The following DSCAML1 variants were observed in gnomAD, a reference collection of about 807,000 sequenced individuals.
The protein encoded by DSCAML1 is DS cell adhesion molecule like 1.
DSCAML1 carries 38 observed loss-of-function variants against 200.5 expected under a neutral mutation model. The observed-to-expected ratio is 0.19, with a 90% confidence interval of 0.15 to 0.25. The LOEUF is 0.25. Among genes scored for constraint, DSCAML1 ranks in the 10% least tolerant of loss-of-function variants. The probability of loss-of-function intolerance (pLI) is 1.00; values close to 1 mark genes in which losing one functional copy is unlikely to be tolerated. For missense variants in DSCAML1, 2,223 were observed against 2,858.8 expected, an observed-to-expected ratio of 0.78 and a Z score of 5.07; for synonymous variants, 1,215 against 1,165.0, an observed-to-expected ratio of 1.04 and a Z score of -0.87.
At chr11:117,805,684 C>A (rs899160940) in intron 1 of DSCAML1, among the ~76,000 whole-genome samples, 16 of 152,172 alleles carry the variant, frequency 1.1e-4, no homozygotes, top group African/African-American at 3.1e-4. Flanking sequence ...CTGGTCCACA[C>A]CTGGCCTAAA....
intron 3 of DSCAML1, among the ~76,000 whole-genome samples, chr11:117,760,567 G>T (rs2054780665): frequency 6.6e-6 from 1 of 152,170 alleles, no homozygotes; most frequent in African/African-American, 2.4e-5. Context: ...CATTTCCCCT[G>T]CAGCATAGTA....
intron 3 of DSCAML1, among the ~76,000 whole-genome samples, chr11:117,750,055 G>A (rs753619559): frequency 2.0e-5 from 3 of 152,216 alleles, no homozygotes; most frequent in East Asian, 1.9e-4. Flanking sequence ...GATGATCCAC[G>A]TTCTTGTTCT....
At chr11:117,576,746 T>C (rs1046070996) in intron 3 of DSCAML1, among the ~76,000 whole-genome samples, 3 of 152,202 alleles carry the variant, frequency 2.0e-5, no homozygotes, top group African/African-American at 7.2e-5. Flanking sequence ...CCTGAGCATG[T>C]GTTGCTGCCG....
At chr11:117,745,944 G>A (rs2054510334) in intron 3 of DSCAML1, among the ~76,000 whole-genome samples, 1 of 152,128 alleles carries the variant, frequency 6.6e-6, no homozygotes, top group Non-Finnish European at 1.5e-5. Flanking sequence ...GCCAGGCGCG[G>A]TGGCTCACGC....
At chr11:117,439,474 C>G (rs2047997985) in intron 22 of DSCAML1, 45 bp from the exon 23 acceptor site, 1 of 1,588,726 alleles carries the variant, frequency 6.3e-7, no homozygotes, top group Non-Finnish European at 8.6e-7. Context: ...TCAAGCACCC[C>G]TTCCTCCTGA....
chr11:117,512,984 C>G (rs781286551), intron 8 of DSCAML1, among the ~76,000 whole-genome samples: 44 of 152,146 alleles, frequency 2.9e-4, no homozygotes, highest in Non-Finnish European at 5.4e-4. Flanking sequence ...CAGGACGTTC[C>G]GAGTCCTCTG....
chr11:117,736,734 A>G (rs1026081490), intron 3 of DSCAML1, among the ~76,000 whole-genome samples: 1 of 152,226 alleles, frequency 6.6e-6, no homozygotes, highest in Non-Finnish European at 1.5e-5. Flanking sequence ...GTTGCTTCTT[A>G]TCACAGAACC....
At chr11:117,805,122 G>A (rs2055698825) in intron 1 of DSCAML1, among the ~76,000 whole-genome samples, 1 of 152,164 alleles carries the variant, frequency 6.6e-6, no homozygotes, top group South Asian at 2.1e-4. Context: ...CTACTGAACT[G>A]GCCTCCTTGG....
chr11:117,538,001 T>A (rs1052561045), intron 3 of DSCAML1, among the ~76,000 whole-genome samples: 1 of 152,206 alleles, frequency 6.6e-6, no homozygotes, highest in East Asian at 1.9e-4. Flanking sequence ...CAGTCTTCTC[T>A]CAGACCCTCA....
intron 3 of DSCAML1, among the ~76,000 whole-genome samples, chr11:117,583,547 CTT>C (rs1266240881): frequency 6.6e-6 from 1 of 152,194 alleles, no homozygotes; most frequent in Non-Finnish European, 1.5e-5. Flanking sequence ...GCGGCTCTCT[CTT>C]CTCCAGTCCC....
At chr11:117,639,550 T>A (rs1490578971) in intron 3 of DSCAML1, among the ~76,000 whole-genome samples, 2 of 151,722 alleles carry the variant, frequency 1.3e-5, no homozygotes, top group African/African-American at 4.8e-5. Flanking sequence ...GGCTCTGCCT[T>A]CCTAATCTTG....
chr11:117,522,849 G>C (rs923228362), intron 5 of DSCAML1, among the ~76,000 whole-genome samples: 1 of 152,178 alleles, frequency 6.6e-6, no homozygotes, highest in African/African-American at 2.4e-5. Flanking sequence ...CTGGCAGGGA[G>C]AGGCTGTAGA....
chr11:117,550,358 G>A (rs1438377874), intron 3 of DSCAML1, among the ~76,000 whole-genome samples: 2 of 152,094 alleles, frequency 1.3e-5, no homozygotes, highest in Admixed American at 6.5e-5. Context: ...TTTGGGATTC[G>A]AACCTAGATT....
chr11:117,439,905 G>A lies in DSCAML1; in HGVS notation c.3894C>T (p.Thr1298=), dbSNP rs761952815. ...CATCTTTCATCCAAGGTGTTGTCAC[G>A]GTGCCCCCAAAGGAGATGATCTTTG... ...APAKIISFGG[T]VTTPWMKDVR... is the part of the protein sequence containing the mutation. Residue 1298 remains threonine, a synonymous_variant, in exon 22 of 33, where the codon ACC becomes ACT. Coordinates refer to ENST00000651296, the MANE Select transcript of DSCAML1 (RefSeq NM_020693.4). 1.1e-5 allele frequency: 18 copies of A among 1,614,004 alleles called. No homozygotes were observed. The highest frequency in any genetic ancestry group is 1.6e-4 in the Middle Eastern group (1 of 6,080).
chr11:117,486,253 TGGGAAAGTGGTGG>T (rs2049051385), intron 11 of DSCAML1, among the ~76,000 whole-genome samples: 1 of 72,292 alleles, frequency 1.4e-5, no homozygotes, highest in South Asian at 5.4e-4. Context: ...AAGTGGCGGA[TGGGAAAGTGGTGG>T]ATGGGAAAGT....
intron 3 of DSCAML1, among the ~76,000 whole-genome samples, chr11:117,769,480 A>T (rs185188204): frequency 0.1 from 6,411 of 61,724 alleles, 865 homozygotes; most frequent in African/African-American, 0.29. Flanking sequence ...TTATATATAT[A>T]ATATATATTT....
At chr11:117,811,106 T>G (rs943859496) in intron 1 of DSCAML1, among the ~76,000 whole-genome samples, 1 of 152,118 alleles carries the variant, frequency 6.6e-6, no homozygotes. Context: ...TGCCCAGCAA[T>G]TTACTCTTAA....
intron 3 of DSCAML1, among the ~76,000 whole-genome samples, chr11:117,656,475 G>C (rs2052736694): frequency 6.6e-6 from 1 of 151,856 alleles, no homozygotes; most frequent in African/African-American, 2.4e-5. Flanking sequence ...AAGGATGACT[G>C]TTCTAAACAT....
intron 20 of DSCAML1, among the ~76,000 whole-genome samples, chr11:117,448,081 T>C (rs1343638202): frequency 2.6e-5 from 4 of 151,950 alleles, no homozygotes; most frequent in Non-Finnish European, 4.4e-5. Flanking sequence ...ATGAAGAAGA[T>C]GGAGGGAGGG....
Sources: gnomAD v4.1 joint callset for allele counts (sites outside exome capture counted in the v4.1 genomes callset) on GRCh38, gnomAD v4.1.1 for gene constraint, MANE v1.5 for transcripts, NCBI Gene and HGNC (gene_info 2026-07-23, HGNC 2026-07-21) for gene names.